The following HEMK2 variants were observed in gnomAD, a reference collection of about 807,000 sequenced individuals.
The protein encoded by HEMK2 is HemK methyltransferase 2, ETF1 glutamine and histone H4 lysine, also known as methyltransferase HEMK2.
the HEMK2 span, among the ~76,000 whole-genome samples, chr21:28,675,243 T>G: frequency 6.6e-5 from 10 of 152,212 alleles, no homozygotes; most frequent in Non-Finnish European, 1.3e-4. Context: ...TAGCAACCTT[T>G]TGCTGCTTTA....
the HEMK2 span, among the ~76,000 whole-genome samples, chr21:28,733,129 A>C: frequency 1.2e-4 from 19 of 152,098 alleles, no homozygotes; most frequent in Admixed American, 6.6e-4. Context: ...AATACAAAAA[A>C]TTAGCCGGGC....
chr21:28,674,623 T>G, the HEMK2 span: 2 of 152,248 alleles, frequency 1.3e-5, no homozygotes, highest in African/African-American at 2.4e-5. Context: ...TTAGTTCTTT[T>G]TGTCTCCAGA....
chr21:28,685,100 A>G, the HEMK2 span, among the ~76,000 whole-genome samples: 2 of 152,114 alleles, frequency 1.3e-5, no homozygotes, highest in Admixed American at 6.5e-5. Flanking sequence ...AAAACCTACA[A>G]AAAACAGAAA....
the HEMK2 span, among the ~76,000 whole-genome samples, chr21:28,600,622 A>G: frequency 0.03 from 4,498 of 152,306 alleles, 92 homozygotes; most frequent in Middle Eastern, 0.054. Flanking sequence ...TAACTTATGC[A>G]AATGTCTGCA....
At chr21:28,786,859 A>C in the HEMK2 span, among the ~76,000 whole-genome samples, 2 of 152,176 alleles carry the variant, frequency 1.3e-5, no homozygotes, top group African/African-American at 4.8e-5. Flanking sequence ...TTGATAGAAG[A>C]AGCTACAAAT....
the HEMK2 span, among the ~76,000 whole-genome samples, chr21:28,715,340 C>T: frequency 3.9e-5 from 6 of 152,124 alleles, no homozygotes; most frequent in East Asian, 1.2e-3. Context: ...GCCAGTCTGA[C>T]TGATGCAAGA....
At chr21:28,681,022 A>G in the HEMK2 span, among the ~76,000 whole-genome samples, 1 of 152,204 alleles carries the variant, frequency 6.6e-6, no homozygotes, top group Admixed American at 6.5e-5. Context: ...CACCACTCCT[A>G]TTCAACATAG....
At chr21:28,834,674 G>A in the HEMK2 span, among the ~76,000 whole-genome samples, 3,247 of 152,238 alleles carry the variant, frequency 0.021, 108 homozygotes, top group African/African-American at 0.064. Flanking sequence ...GCACAAATCC[G>A]GCATGCAGAC....
the HEMK2 span, among the ~76,000 whole-genome samples, chr21:28,628,365 G>T: frequency 6.6e-6 from 1 of 152,114 alleles, no homozygotes; most frequent in Non-Finnish European, 1.5e-5. Context: ...GTTAAGAATT[G>T]CTTGTTTTGA....
the HEMK2 span, among the ~76,000 whole-genome samples, chr21:28,848,997 G>A: frequency 6.6e-6 from 1 of 152,128 alleles, no homozygotes; most frequent in Non-Finnish European, 1.5e-5. Context: ...CAGCTGACAC[G>A]CATACACCCC....
the HEMK2 span, among the ~76,000 whole-genome samples, chr21:28,862,052 G>A: frequency 2.0e-5 from 3 of 152,194 alleles, no homozygotes; most frequent in Non-Finnish European, 2.9e-5. Flanking sequence ...TAAGAAGGGA[G>A]TTACAGTGTT....
the HEMK2 span, among the ~76,000 whole-genome samples, chr21:28,631,840 AT>A: frequency 1.3e-4 from 19 of 151,966 alleles, no homozygotes; most frequent in East Asian, 7.7e-4. Context: ...ATTTAAAAAA[AT>A]TTTTTTTATC....
chr21:28,724,938 T>C, the HEMK2 span, among the ~76,000 whole-genome samples: 1 of 99,892 alleles, frequency 1.0e-5, no homozygotes, highest in African/African-American at 6.8e-5. Context: ...CACACCACCA[T>C]GCCGGCTAAT....
the HEMK2 span, among the ~76,000 whole-genome samples, chr21:28,699,220 G>C: frequency 6.6e-6 from 1 of 152,066 alleles, no homozygotes; most frequent in African/African-American, 2.4e-5. Flanking sequence ...GTCTGTTTGT[G>C]TTACTATTGC....
chr21:28,644,818 C>A, the HEMK2 span, among the ~76,000 whole-genome samples: 1 of 152,158 alleles, frequency 6.6e-6, no homozygotes, highest in Non-Finnish European at 1.5e-5. Flanking sequence ...TACTGGAAAT[C>A]TAATTTTTTG....
At chr21:28,643,178 T>A in the HEMK2 span, among the ~76,000 whole-genome samples, 1 of 152,188 alleles carries the variant, frequency 6.6e-6, no homozygotes, top group African/African-American at 2.4e-5. Flanking sequence ...AACCACTTAT[T>A]GCACTTGCTC....
the HEMK2 span, among the ~76,000 whole-genome samples, chr21:28,714,479 A>G: frequency 6.6e-6 from 1 of 152,216 alleles, no homozygotes; most frequent in Non-Finnish European, 1.5e-5. Context: ...TGAATTATAC[A>G]TAGAATAAAG....
At chr21:28,759,931 T>TGA in the HEMK2 span, among the ~76,000 whole-genome samples, 13 of 152,194 alleles carry the variant, frequency 8.5e-5, no homozygotes, top group Non-Finnish European at 1.9e-4. Context: ...AACAGTTTAC[T>TGA]ACACACTGAA....
At chr21:28,750,516 T>C in the HEMK2 span, among the ~76,000 whole-genome samples, 1 of 151,930 alleles carries the variant, frequency 6.6e-6, no homozygotes, top group South Asian at 2.1e-4. Context: ...CTGGCCAACA[T>C]GGTGAAGCTC....
Sources: allele counts gnomAD v4.1 joint callset (sites outside exome capture counted in the v4.1 genomes callset), GRCh38; gene constraint gnomAD v4.1.1; transcripts MANE v1.5; gene names NCBI Gene and HGNC (gene_info 2026-07-23, HGNC 2026-07-21).